The following CSMD2 variants were observed in gnomAD, a reference collection of about 807,000 sequenced individuals.
CSMD2 encodes the protein CUB and Sushi multiple domains 2.
Under a neutral mutation model 398.5 loss-of-function variants are expected in CSMD2, and 130 were observed. That is an observed-to-expected ratio of 0.33 (90% CI 0.28 to 0.38). CSMD2 has a LOEUF of 0.38. CSMD2 is among the 10% of genes least tolerant of loss of function. The pLI is 1.00. For synonymous variants in CSMD2, 1,828 were observed against 1,908.5 expected (o/e 0.96, Z 1.10); for missense variants, 3,829 against 4,764.9 (o/e 0.80, Z 5.78).
intron 6 of CSMD2, among the ~76,000 whole-genome samples, chr1:33,829,717 C>T (rs911084731): frequency 5.3e-5 from 8 of 152,162 alleles, no homozygotes; most frequent in Non-Finnish European, 1.0e-4. Flanking sequence ...TTGCCTCACT[C>T]GGGAAGTGCA....
chr1:33,572,638 C>T lies in CSMD2; in HGVS notation c.7630G>A (p.Glu2544Lys). The T allele has an allele frequency of 6.2e-7, 1 of 1,613,998 alleles. No individual in the cohort carries two copies. Among genetic ancestry groups the T allele is most frequent in the African/African-American group, 1.3e-5 (1 of 75,050 alleles). The change falls in exon 50 of 71, where the codon GAG (glutamate) becomes AAG (lysine). Residue 2544 changes from glutamate to lysine, a missense_variant. Transcript: ENST00000373381. ...APKNGMVFGK[E>K]YTVGTKAMYS... ...ATGGCCTTGGTTCCCACTGTGTACT[C>T]CTTGCCAAACACCATTCCATTCTTG...
At chr1:33,864,990 G>A (rs1270109222) in intron 5 of CSMD2, among the ~76,000 whole-genome samples, 3 of 41,542 alleles carry the variant, frequency 7.2e-5, no homozygotes, top group Non-Finnish European at 1.8e-4. Context: ...GAATGGAGGG[G>A]AGGGAAAGGG....
chr1:33,650,604 T>C (rs1450951115), intron 28 of CSMD2, among the ~76,000 whole-genome samples: 1 of 152,128 alleles, frequency 6.6e-6, no homozygotes, highest in African/African-American at 2.4e-5. Context: ...CACCAGATTG[T>C]TTGGAATGAA....
In CSMD2 at chr1:33,550,362, A is replaced by G; in HGVS notation, c.8744-12T>C. The G allele has an allele frequency of 6.2e-7, 1 of 1,611,268 alleles. No individual in the cohort carries two copies. Among genetic ancestry groups the G allele is most frequent in the Non-Finnish European group, 8.5e-7 (1 of 1,177,742 alleles). ...GCCACAGGACACCACTGTGGGGGAAAAGCAAACATCTCAATGACTCTGCAC... is the reference window on the plus strand; with the variant it reads ...GCCACAGGACACCACTGTGGGGGAAGAGCAAACATCTCAATGACTCTGCAC... On this transcript the variant is annotated splice_polypyrimidine_tract_variant and intron_variant, in intron 55 of 70. Coordinates refer to ENST00000373381, the MANE Select transcript of CSMD2 (RefSeq NM_001281956.2).
chr1:33,810,532 C>A (rs1296563436), intron 10 of CSMD2, among the ~76,000 whole-genome samples: 4 of 151,994 alleles, frequency 2.6e-5, no homozygotes, highest in Non-Finnish European at 4.4e-5. Context: ...ACGATGGCTG[C>A]ACAGGTGTTT....
Position 33,559,983 on chromosome 1 carries a change from C to G in CSMD2, c.8381-510G>C, listed in dbSNP as rs1658394381. ...AGCAGAGCTGCTGTTTGGAGAGAAC[C>G]CACTACCTCCAATTCCTTCCATGGC... On this transcript the variant is annotated intron_variant, in intron 53 of 70. Coordinates refer to ENST00000373381, the MANE Select transcript of CSMD2 (RefSeq NM_001281956.2). The surrounding 1 kb of genome is among the most constrained non-coding windows in gnomAD (Gnocchi z 4.0). 6.6e-6 allele frequency among the ~76,000 whole-genome samples: 1 copy of G among 152,162 alleles called. No individual in the cohort carries two copies. Among genetic ancestry groups the G allele is most frequent in the Admixed American group, 6.5e-5 (1 of 15,280 alleles).
chr1:33,660,728 A>T (rs1055350937), intron 26 of CSMD2, among the ~76,000 whole-genome samples: 1 of 152,254 alleles, frequency 6.6e-6, no homozygotes. Context: ...AGCTTGCCCA[A>T]GGAAACCCTT....
intron 46 of CSMD2, among the ~76,000 whole-genome samples, chr1:33,585,049 T>C (rs1326965685): frequency 1.3e-5 from 2 of 152,184 alleles, no homozygotes; most frequent in Admixed American, 6.5e-5. Flanking sequence ...TCCACCTCCA[T>C]TTGTTTGGGT....
chr1:33,796,143 G>A (rs1181097145), intron 10 of CSMD2, among the ~76,000 whole-genome samples: 1 of 152,202 alleles, frequency 6.6e-6, no homozygotes, highest in Non-Finnish European at 1.5e-5. Flanking sequence ...GCTATAGTTT[G>A]CTGATCCCTG....
At chr1:33,603,331 A>G (rs1376511237) in intron 42 of CSMD2, among the ~76,000 whole-genome samples, 1 of 152,202 alleles carries the variant, frequency 6.6e-6, no homozygotes, top group Non-Finnish European at 1.5e-5. Context: ...TGACATCTTC[A>G]TGGTATTCAG....
At position 33,572,535 on chromosome 1, in the gene CSMD2, C is replaced by G; in HGVS notation, c.7733G>C (p.Ser2578Thr). 1 of 1,611,074 alleles carries G rather than the reference C, an allele frequency of 6.2e-7. No individual in the cohort carries two copies. Among genetic ancestry groups the G allele is most frequent in the Non-Finnish European group, 8.5e-7 (1 of 1,178,170 alleles). ...ACACTGTGGTGGGACATTGCGGTTG[C>G]TCCATAGGCCTGTGTCCAGACACTC... ...TAECLDTGLW[S>T]NRNVPPQCVP... Residue 2578 changes from serine (S) to threonine (T), a missense_variant, in exon 50 of 71, where the codon AGC (serine) becomes ACC (threonine). By Grantham distance (58) the Ser-to-Thr change is moderately conservative (BLOSUM62 1). This residue lies in a region of CSMD2 where 723 missense variants were observed against 758.6 expected (regional missense o/e 0.95). Transcript: ENST00000373381.
At chr1:33,664,473 T>C (rs534097569) in intron 25 of CSMD2, among the ~76,000 whole-genome samples, 4 of 152,290 alleles carry the variant, frequency 2.6e-5, no homozygotes, top group South Asian at 4.1e-4. Flanking sequence ...TCAGTTGACT[T>C]GCCAAAGTAA....
At chr1:33,590,531 A>G (rs546474949) in intron 44 of CSMD2, among the ~76,000 whole-genome samples, 1 of 151,376 alleles carries the variant, frequency 6.6e-6, no homozygotes, top group South Asian at 2.1e-4. Context: ...TCTAGGCATA[A>G]GCATTGTGAA....
chr1:33,832,232 A>C (rs1189297275), intron 6 of CSMD2, among the ~76,000 whole-genome samples: 1 of 151,770 alleles, frequency 6.6e-6, no homozygotes, highest in African/African-American at 2.4e-5. Flanking sequence ...CCACACCATA[A>C]CTATTCCAAA....
At chr1:33,568,755 A>G (rs1042671161) in intron 52 of CSMD2, among the ~76,000 whole-genome samples, 1 of 152,164 alleles carries the variant, frequency 6.6e-6, no homozygotes, top group Non-Finnish European at 1.5e-5. Flanking sequence ...GGCCTGAGAC[A>G]GTGGCAAGAC....
intron 38 of CSMD2, among the ~76,000 whole-genome samples, 171 bp from the exon 39 acceptor site, chr1:33,617,146 G>T (rs1246474887): frequency 6.6e-6 from 1 of 152,200 alleles, no homozygotes; most frequent in African/African-American, 2.4e-5. Context: ...GAGAGAATTT[G>T]GGGAAGGACA....
At chr1:33,952,760 A>C (rs1428462472) in intron 3 of CSMD2, among the ~76,000 whole-genome samples, 4 of 152,024 alleles carry the variant, frequency 2.6e-5, no homozygotes, top group African/African-American at 9.7e-5. Flanking sequence ...GACTTTTTTC[A>C]CTTTTGTATC....
chr1:33,576,356 C>T lies in CSMD2; in HGVS notation c.7576+940G>A, dbSNP rs1289743984. 3.9e-5 allele frequency among the ~76,000 whole-genome samples: 6 copies of T among 152,096 alleles called. 1 individual carries two copies. In the South Asian group the frequency reaches 6.2e-4, roughly 16 times the overall value. ...CTGTAATCACAGCACTCTGGGAGACCGAGGTGGGCGGATCACCTGAGGTCA... is the reference window on the plus strand; with the variant it reads ...CTGTAATCACAGCACTCTGGGAGACTGAGGTGGGCGGATCACCTGAGGTCA... On this transcript the variant is annotated intron_variant, in intron 49 of 70. Coordinates refer to ENST00000373381, the MANE Select transcript of CSMD2 (RefSeq NM_001281956.2).
chr1:34,102,194 C>A (rs987342930), intron 1 of CSMD2, among the ~76,000 whole-genome samples: 1 of 152,080 alleles, frequency 6.6e-6, no homozygotes, highest in Non-Finnish European at 1.5e-5. Flanking sequence ...CCACGCCCGG[C>A]TAATTTTTTT....
Sources: allele counts gnomAD v4.1 joint callset (sites outside exome capture counted in the v4.1 genomes callset), GRCh38; gene constraint gnomAD v4.1.1; regional missense constraint gnomAD v4.1.1; non-coding constraint Gnocchi (gnomAD v3.1); transcripts MANE v1.5; gene names NCBI Gene and HGNC (gene_info 2026-07-23, HGNC 2026-07-21).